The following SEM1 variants were observed in gnomAD, a reference collection of about 807,000 sequenced individuals.
The protein encoded by SEM1 is SEM1 26S proteasome subunit, also known as 26S proteasome complex subunit SEM1.
In SEM1, 3 loss-of-function variants were observed where a neutral mutation model predicts 12.7. That is an observed-to-expected ratio of 0.24 (90% CI 0.11 to 0.61). The LOEUF (loss-of-function observed/expected upper bound fraction) is 0.61. Ranked by LOEUF, SEM1 falls within the 20% of genes least tolerant of loss-of-function variation. The pLI is 0.88. For synonymous variants in SEM1, 30 were observed against 27.8 expected, an observed-to-expected ratio of 1.08 and a Z score of -0.25; for missense variants, 59 against 81.3, an observed-to-expected ratio of 0.73 and a Z score of 1.06.
chr7:96,590,914 A>C (rs569821740), intron 2 of SEM1, among the ~76,000 whole-genome samples: 1 of 152,334 alleles, frequency 6.6e-6, no homozygotes, highest in South Asian at 2.1e-4. Context: ...AGGTGAATGC[A>C]TATGAAAAAG....
chr7:96,552,803 T>C (rs1805330171), intron 2 of SEM1, among the ~76,000 whole-genome samples: 1 of 151,976 alleles, frequency 6.6e-6, no homozygotes, highest in Non-Finnish European at 1.5e-5. Context: ...TAGTTTACAG[T>C]CCCACCAACA....
At chr7:96,602,001 G>A (rs1333124580) in intron 2 of SEM1, among the ~76,000 whole-genome samples, 2 of 152,184 alleles carry the variant, frequency 1.3e-5, no homozygotes, top group Non-Finnish European at 2.9e-5. Flanking sequence ...ACTGCCATCA[G>A]GGAGATGGGG....
intron 2 of SEM1, among the ~76,000 whole-genome samples, chr7:96,614,215 C>T (rs190243356): frequency 1.0e-3 from 158 of 152,198 alleles, no homozygotes; most frequent in African/African-American, 3.7e-3. Flanking sequence ...TACATTTTGC[C>T]ATGTGTGAAT....
At chr7:96,591,231 T>C (rs1806818889) in intron 2 of SEM1, among the ~76,000 whole-genome samples, 1 of 152,184 alleles carries the variant, frequency 6.6e-6, no homozygotes, top group South Asian at 2.1e-4. Flanking sequence ...TTGATTTCCT[T>C]TTTTGATCAT....
chr7:96,699,643 C>T (rs1367740397), intron 1 of SEM1, among the ~76,000 whole-genome samples: 1 of 152,172 alleles, frequency 6.6e-6, no homozygotes, highest in Non-Finnish European at 1.5e-5. Context: ...AAACCCCTTT[C>T]CTACGTTTCT....
At chr7:96,546,787 C>T (rs1445994107) in intron 2 of SEM1, among the ~76,000 whole-genome samples, 1 of 152,094 alleles carries the variant, frequency 6.6e-6, no homozygotes, top group Admixed American at 6.6e-5. Flanking sequence ...TTAAAAACAG[C>T]ATTGAGGGTG....
At chr7:96,536,738 G>T (rs1804798503) in intron 2 of SEM1, among the ~76,000 whole-genome samples, 1 of 151,578 alleles carries the variant, frequency 6.6e-6, no homozygotes, top group South Asian at 2.1e-4. Context: ...AACTACTTCA[G>T]CTTTCTTCTG....
At chr7:96,697,698 GA>G (rs1344155094) in intron 1 of SEM1, among the ~76,000 whole-genome samples, 1 of 151,950 alleles carries the variant, frequency 6.6e-6, no homozygotes, top group Non-Finnish European at 1.5e-5. Context: ...TACATGAAAA[GA>G]AAAATACTAA....
intron 1 of SEM1, among the ~76,000 whole-genome samples, chr7:96,494,539 T>C (rs1347929273): frequency 1.3e-5 from 2 of 152,172 alleles, no homozygotes; most frequent in Admixed American, 1.3e-4. Context: ...ACAAATCATT[T>C]TTCTGTAAGC....
intron 3 of SEM1, chr7:96,484,693 C>G (rs1802682602): frequency 4.9e-6 from 2 of 404,894 alleles, no homozygotes; most frequent in East Asian, 1.4e-4. Flanking sequence ...CACTCACTTA[C>G]CAAAAAGCGC....
chr7:96,673,627 C>A, exon 3 of SEM1: 1 of 643,526 alleles, frequency 1.6e-6, no homozygotes, highest in South Asian at 1.8e-5. Context: ...TGCTGTAGCA[C>A]CACCCCACTC....
At chr7:96,706,570 C>CAAAAAAAAAAAAA (rs67892273) in intron 1 of SEM1, among the ~76,000 whole-genome samples, 7 of 78,062 alleles carry the variant, frequency 9.0e-5, no homozygotes, top group African/African-American at 2.1e-4. Context: ...CTCAAACAAA[C>CAAAAAAAAAAAAA]AAAAAAAAAA....
At chr7:96,608,813 C>T (rs1420025537) in intron 2 of SEM1, among the ~76,000 whole-genome samples, 4 of 152,080 alleles carry the variant, frequency 2.6e-5, no homozygotes, top group Admixed American at 6.6e-5. Flanking sequence ...TTTGTTTATC[C>T]CTTCATCAAT....
At chr7:96,607,817 C>T (rs1261843044) in intron 2 of SEM1, among the ~76,000 whole-genome samples, 1 of 152,106 alleles carries the variant, frequency 6.6e-6, no homozygotes, top group African/African-American at 2.4e-5. Flanking sequence ...TTTCTGAGTC[C>T]CCTGATCTTA....
chr7:96,680,806 G>A (rs1244908149), intron 2 of SEM1, among the ~76,000 whole-genome samples: 1 of 152,020 alleles, frequency 6.6e-6, no homozygotes, highest in African/African-American at 2.4e-5. Context: ...CAACCCTCAA[G>A]GCAAATATGT....
chr7:96,587,653 G>GTTT (rs35341659), intron 2 of SEM1, among the ~76,000 whole-genome samples: 2 of 134,310 alleles, frequency 1.5e-5, no homozygotes, highest in South Asian at 2.3e-4. Context: ...AGACTTTCTT[G>GTTT]TTTTTTTTTT....
intron 2 of SEM1, chr7:96,650,251 A>G (rs1023873599): frequency 9.3e-6 from 4 of 427,864 alleles, no homozygotes; most frequent in African/African-American, 6.1e-5. Context: ...CTAAGGATCA[A>G]CAGAACAAAC....
chr7:96,672,630 A>C (rs1346300821), downstream of SEM1: 2 of 152,226 alleles, frequency 1.3e-5, no homozygotes, highest in African/African-American at 4.8e-5. Flanking sequence ...AAGCTAACAA[A>C]ATAGTGGCTT....
At chr7:96,551,857 T>A (rs1805288707) in intron 2 of SEM1, among the ~76,000 whole-genome samples, 1 of 152,100 alleles carries the variant, frequency 6.6e-6, no homozygotes, top group Admixed American at 6.5e-5. Context: ...ACATGGATTC[T>A]CCCCTAGAGC....
Sources: allele counts gnomAD v4.1 joint callset (sites outside exome capture counted in the v4.1 genomes callset), GRCh38; gene constraint gnomAD v4.1.1; transcripts MANE v1.5; gene names NCBI Gene and HGNC (gene_info 2026-07-23, HGNC 2026-07-21).